The following NTM variants were observed in gnomAD, a reference collection of about 807,000 sequenced individuals.
NTM encodes the protein neurotrimin.
In NTM, 13 loss-of-function variants were observed where a neutral mutation model predicts 42.1. That is an observed-to-expected ratio of 0.31 (90% CI 0.20 to 0.49). The LOEUF is 0.49. Among genes scored for constraint, NTM ranks in the 20% least tolerant of loss-of-function variants. The pLI is 0.99. For synonymous variants in NTM, 187 were observed against 179.2 expected (o/e 1.04, Z -0.35); for missense variants, 373 against 452.8 (o/e 0.82, Z 1.60).
At chr11:132,004,605 T>TTCTCTCTCTC (rs71480226) in intron 2 of NTM, among the ~76,000 whole-genome samples, 83 of 144,146 alleles carry the variant, frequency 5.8e-4, no homozygotes, top group Admixed American at 8.4e-4. Context: ...CTTTCTCTCT[T>TTCTCTCTCTC]TCTCTCTCTC....
rs1275465443 is a variant in NTM, at chr11:131,853,365, C to T, written c.83-58199C>T. On this transcript the variant is annotated intron_variant, in intron 1 of 8. Coordinates refer to ENST00000683400, the MANE Select transcript of NTM (RefSeq NM_001352005.2). The stretch of plus-strand genomic sequence containing the variant: ...CCAGGTATTAACCCAAGAATCCATT[C>T]GCTATTCTTCCTGATCCTCTCCTTC... Among the ~76,000 whole-genome samples the T allele has an allele frequency of 3.9e-5, 6 of 152,114 alleles. No homozygotes were observed. The South Asian group carries it at 6.2e-4, about 16-fold the overall frequency.
At chr11:131,666,957 G>C (rs779132257) in intron 1 of NTM, among the ~76,000 whole-genome samples, 2 of 152,164 alleles carry the variant, frequency 1.3e-5, no homozygotes, top group Non-Finnish European at 2.9e-5. Context: ...CTGGGGTCTG[G>C]GGCCGTGCAG....
chr11:131,902,768 T>G (rs2053351309), intron 1 of NTM, among the ~76,000 whole-genome samples: 1 of 152,196 alleles, frequency 6.6e-6, no homozygotes, highest in Non-Finnish European at 1.5e-5. Context: ...ATTTCAGGGA[T>G]AGCAAATATC....
chr11:131,537,577 A>G (rs1211041902), intron 1 of NTM: 1 of 152,224 alleles, frequency 6.6e-6, no homozygotes, highest in Non-Finnish European at 1.5e-5. Context: ...TGGGAGTCAG[A>G]TGCAATCCTC....
At chr11:131,990,499 G>C (rs2066829733) in intron 2 of NTM, among the ~76,000 whole-genome samples, 1 of 152,060 alleles carries the variant, frequency 6.6e-6, no homozygotes, top group East Asian at 1.9e-4. Context: ...GTGTGGGTCT[G>C]TGTGTGTTTG....
chr11:132,007,980 G>A (rs914052623), intron 2 of NTM, among the ~76,000 whole-genome samples: 14 of 152,170 alleles, frequency 9.2e-5, no homozygotes, highest in African/African-American at 3.4e-4. Context: ...GGGCTATGAG[G>A]AGTAGAAAGG....
intron 1 of NTM, among the ~76,000 whole-genome samples, chr11:131,560,233 G>A (rs11601156): frequency 0.18 from 27,668 of 152,036 alleles, 2,672 homozygotes; most frequent in Middle Eastern, 0.29. Context: ...TATCTTTCAC[G>A]GAAGGCTAGG....
intron 5 of NTM, among the ~76,000 whole-genome samples, chr11:132,309,796 C>A (rs1346371905): frequency 6.6e-6 from 1 of 152,134 alleles, no homozygotes; most frequent in East Asian, 1.9e-4. Flanking sequence ...GTGCAGTGCC[C>A]TGTAATCCCA....
intron 1 of NTM, among the ~76,000 whole-genome samples, chr11:131,681,441 A>C (rs1383584705): frequency 4.4e-4 from 1 of 2,266 alleles, no homozygotes; most frequent in African/African-American, 1.3e-3. Flanking sequence ...CTGTGTCTGT[A>C]TGTCTGTGTG....
intron 4 of NTM, chr11:132,284,302 CTAAAACAGTCGGCCTGGTTGA>C (rs1198722225): frequency 1.3e-5 from 2 of 152,284 alleles, no homozygotes; most frequent in East Asian, 3.9e-4. Context: ...GAAGTCTGAG[CTAAAACAGTCGGCCTGGTTGA>C]TTTCTGGGAG....
intron 1 of NTM, among the ~76,000 whole-genome samples, chr11:131,720,269 T>G (rs1233377355): frequency 2.6e-5 from 4 of 152,194 alleles, no homozygotes; most frequent in Admixed American, 2.6e-4. Context: ...GAGAAGCAAA[T>G]GAAGACTCAG....
At chr11:131,956,955 T>C (rs930781127) in intron 2 of NTM, among the ~76,000 whole-genome samples, 8 of 150,974 alleles carry the variant, frequency 5.3e-5, no homozygotes, top group Non-Finnish European at 1.0e-4. Context: ...ACAAGCTGTA[T>C]TCCTCAGGCT....
At chr11:132,192,141 T>A (rs1232127183) in intron 3 of NTM, among the ~76,000 whole-genome samples, 1 of 152,102 alleles carries the variant, frequency 6.6e-6, no homozygotes, top group African/African-American at 2.4e-5. Context: ...GAGGTCAACA[T>A]GCAAATTCAA....
intron 2 of NTM, among the ~76,000 whole-genome samples, chr11:132,096,419 G>C (rs1202536821): frequency 6.6e-6 from 1 of 152,188 alleles, no homozygotes; most frequent in Non-Finnish European, 1.5e-5. Flanking sequence ...CTGTAATTGG[G>C]TTGAAGGGAT....
At chr11:131,539,705 G>A (rs907776023) in intron 1 of NTM, 9 of 152,544 alleles carry the variant, frequency 5.9e-5, no homozygotes, top group African/African-American at 1.9e-4. Context: ...GCAAGAACTA[G>A]AGACCCTGTG....
rs1565552725 is a variant in NTM, at chr11:131,789,614, A to AAGG, written c.83-121948_83-121947insGAG. Among the ~76,000 whole-genome samples, 79 of 83,500 alleles carry AAGG rather than the reference A, an allele frequency of 9.5e-4. 13 individuals carry two copies. The highest frequency in any genetic ancestry group is 1.3e-3 in the Non-Finnish European group (53 of 40,680). 54.8% of individuals were successfully genotyped at this position (83,500 alleles called of 152,430 possible). On this transcript the variant is annotated intron_variant, in intron 1 of 8. Transcript: ENST00000683400. ...GAAGAAGAAGAAGAAGAAGAAGAAG[A>AAGG]AGAAGAAGAAGAAGAAGAAGAAAAG... is the stretch of plus-strand genomic sequence containing the variant.
At chr11:132,055,648 T>TGA (rs143882473) in intron 2 of NTM, among the ~76,000 whole-genome samples, 11 of 139,694 alleles carry the variant, frequency 7.9e-5, no homozygotes, top group Non-Finnish European at 9.3e-5. Context: ...CATGTGTGTG[T>TGA]GAGAGAGAGA....
At chr11:131,721,613 TACTTA>T (rs796441641) in intron 1 of NTM, among the ~76,000 whole-genome samples, 13 of 152,232 alleles carry the variant, frequency 8.5e-5, no homozygotes, top group African/African-American at 3.1e-4. Context: ...TTGGTCAAGT[TACTTA>T]ACTTCCCTAA....
intron 2 of NTM, chr11:131,981,437 T>G (rs1215312044): frequency 6.6e-6 from 1 of 152,178 alleles, no homozygotes; most frequent in Non-Finnish European, 1.5e-5. Flanking sequence ...GGAGCAGTCT[T>G]GATGAATCTC....
Sources: allele counts gnomAD v4.1 joint callset (sites outside exome capture counted in the v4.1 genomes callset), GRCh38; gene constraint gnomAD v4.1.1; transcripts MANE v1.5; gene names NCBI Gene and HGNC (gene_info 2026-07-23, HGNC 2026-07-21).